Variants in TRPC6 observed in about 807,000 individuals in gnomAD.
The protein encoded by TRPC6 is short transient receptor potential channel 6.
TRPC6 carries 55 observed loss-of-function variants against 90.7 expected under a neutral mutation model. That is an observed-to-expected ratio of 0.61 (90% CI 0.49 to 0.76). The LOEUF (loss-of-function observed/expected upper bound fraction) is 0.76, where lower values mean the gene tolerates loss of function less well. Ranked by LOEUF, TRPC6 falls within the 30% of genes least tolerant of loss-of-function variation. The pLI, the probability that TRPC6 is intolerant of heterozygous loss-of-function variation, is 0.00. For missense variants in TRPC6, 989 were observed against 1,122.7 expected (o/e 0.88, Z 1.70); for synonymous variants, 393 against 393.0 (o/e 1.00, Z 0.00).
At chr11:101,582,658 A>G (rs1348389853) in intron 1 of TRPC6, among the ~76,000 whole-genome samples, 2 of 152,032 alleles carry the variant, frequency 1.3e-5, no homozygotes, top group Non-Finnish European at 1.5e-5. Flanking sequence ...ATAGCCCGTG[A>G]GTCTCCCAGC....
At chr11:101,510,691 T>C (rs1379254488) in intron 1 of TRPC6, among the ~76,000 whole-genome samples, 1 of 152,172 alleles carries the variant, frequency 6.6e-6, no homozygotes, top group Non-Finnish European at 1.5e-5. Context: ...ATACCTCATT[T>C]TCCTGGTCCT....
At chr11:101,456,865 T>C (rs537427097) in intron 10 of TRPC6, among the ~76,000 whole-genome samples, 3 of 152,168 alleles carry the variant, frequency 2.0e-5, no homozygotes, top group African/African-American at 7.2e-5. Context: ...ATATAACATA[T>C]TTTATTTTCA....
At chr11:101,572,620 A>G (rs1475998013) in intron 1 of TRPC6, among the ~76,000 whole-genome samples, 6 of 152,222 alleles carry the variant, frequency 3.9e-5, no homozygotes, top group Non-Finnish European at 8.8e-5. Flanking sequence ...AATGCCCATC[A>G]ATTATAGACT....
chr11:101,554,040 G>A (rs1332537315), intron 1 of TRPC6, among the ~76,000 whole-genome samples: 2 of 152,126 alleles, frequency 1.3e-5, no homozygotes, highest in African/African-American at 4.8e-5. Flanking sequence ...TACAGAAATA[G>A]ACACACTGGA....
intron 1 of TRPC6, among the ~76,000 whole-genome samples, chr11:101,555,671 G>A (rs980740920): frequency 1.3e-5 from 2 of 152,158 alleles, no homozygotes; most frequent in Non-Finnish European, 2.9e-5. Context: ...AACTTTTAAT[G>A]TAAAACAGAT....
At chr11:101,497,897 A>G (rs964681136) in intron 2 of TRPC6, among the ~76,000 whole-genome samples, 3 of 152,072 alleles carry the variant, frequency 2.0e-5, no homozygotes, top group Non-Finnish European at 4.4e-5. Context: ...ATGTTCCCAA[A>G]AGAGGGGATT....
At chr11:101,577,588 C>G (rs537336360) in intron 1 of TRPC6, among the ~76,000 whole-genome samples, 47 of 152,088 alleles carry the variant, frequency 3.1e-4, no homozygotes, top group Non-Finnish European at 5.9e-4. Flanking sequence ...GGCAGTCATT[C>G]TTCAGTCTGG....
At chr11:101,457,034 A>T (rs545105633) in intron 10 of TRPC6, among the ~76,000 whole-genome samples, 2 of 152,284 alleles carry the variant, frequency 1.3e-5, no homozygotes, top group African/African-American at 4.8e-5. Flanking sequence ...GTTTCCATGT[A>T]CAATTATTTA....
chr11:101,535,281 T>C (rs1861016187), intron 1 of TRPC6, among the ~76,000 whole-genome samples: 1 of 151,974 alleles, frequency 6.6e-6, no homozygotes, highest in Admixed American at 6.6e-5. Flanking sequence ...AAATGTATAA[T>C]AACATAAAAG....
In TRPC6 at chr11:101,462,221, T is replaced by A. The variant is rs535141785; in HGVS notation, c.2485-7120A>T. Among the ~76,000 whole-genome samples the A allele has an allele frequency of 5.9e-5, 9 of 152,314 alleles. No individual in the cohort carries two copies. The East Asian group carries it at 1.7e-3, about 29-fold the overall frequency. On this transcript the variant is annotated intron_variant, in intron 10 of 12. Coordinates refer to ENST00000344327, the MANE Select transcript of TRPC6 (RefSeq NM_004621.6). ...ATGCTGTTTGGTTACTGTAGCCTTG[T>A]AGTATAGTTTGAAGTCAGGAGCGTG...
At chr11:101,566,526 A>T (rs1014982227) in intron 1 of TRPC6, among the ~76,000 whole-genome samples, 1 of 152,238 alleles carries the variant, frequency 6.6e-6, no homozygotes, top group African/African-American at 2.4e-5. Context: ...AAAAATATTT[A>T]ACAAGCACCA....
intron 1 of TRPC6, among the ~76,000 whole-genome samples, chr11:101,516,020 T>G (rs1343283122): frequency 6.6e-6 from 1 of 151,802 alleles, no homozygotes. Context: ...AGGAAATGTT[T>G]GGAGATCACT....
chr11:101,537,957 T>C (rs986498670), intron 1 of TRPC6, among the ~76,000 whole-genome samples: 1 of 152,224 alleles, frequency 6.6e-6, no homozygotes, highest in East Asian at 1.9e-4. Flanking sequence ...TACATATTTT[T>C]AGCAGTTTTC....
At chr11:101,559,678 C>A (rs1861669360) in intron 1 of TRPC6, among the ~76,000 whole-genome samples, 1 of 151,266 alleles carries the variant, frequency 6.6e-6, no homozygotes, top group African/African-American at 2.4e-5. Flanking sequence ...TACATGTGCA[C>A]AACGTGCAGG....
At chr11:101,486,757 G>T (rs900193288) in intron 4 of TRPC6, among the ~76,000 whole-genome samples, 2 of 151,976 alleles carry the variant, frequency 1.3e-5, no homozygotes, top group Non-Finnish European at 2.9e-5. Flanking sequence ...GGATATATTG[G>T]AAAATCCAAA....
At chr11:101,506,801 A>T (rs1860278979) in intron 1 of TRPC6, among the ~76,000 whole-genome samples, 1 of 152,148 alleles carries the variant, frequency 6.6e-6, no homozygotes, top group South Asian at 2.1e-4. Flanking sequence ...TAGTAAAGTT[A>T]TACATGTGCA....
At chr11:101,453,782 C>T (rs1591518440) in intron 11 of TRPC6, 57 bp from the exon 12 acceptor site, 2 of 1,527,366 alleles carry the variant, frequency 1.3e-6, no homozygotes, top group East Asian at 4.5e-5. Flanking sequence ...ACAAATCTCT[C>T]ATTTGGAACA....
At chr11:101,480,095 T>A (rs1292955701) in intron 5 of TRPC6, among the ~76,000 whole-genome samples, 2 of 152,112 alleles carry the variant, frequency 1.3e-5, no homozygotes, top group African/African-American at 4.8e-5. Context: ...GGAAAATTGC[T>A]TGAACCCGGG....
At position 101,504,697 on chromosome 11, in the gene TRPC6, C is replaced by T. The variant is rs770014593; in HGVS notation, c.272G>A (p.Arg91His). Residue 91 changes from arginine to histidine, a missense_variant, in exon 2 of 13, where the codon CGC (arginine) becomes CAC (histidine). Arg to His is a conservative substitution (Grantham distance 29, BLOSUM62 0). Transcript: ENST00000344327. ...CTCCTCTATAGATAGGCTTGTGGAGCGATCACTAAACATGTATGCTGGTCC... is the reference window on the plus strand; with the variant it reads ...CTCCTCTATAGATAGGCTTGTGGAGTGATCACTAAACATGTATGCTGGTCC... ...NRGPAYMFSD[R>H]STSLSIEEER... The T allele has an allele frequency of 4.4e-6, 7 of 1,593,886 alleles. No individual in the cohort carries two copies. The South Asian group carries it at 5.7e-5, about 13-fold the overall frequency.
Sources: gnomAD v4.1 joint callset for allele counts (sites outside exome capture counted in the v4.1 genomes callset) on GRCh38, gnomAD v4.1.1 for gene constraint, MANE v1.5 for transcripts, NCBI Gene and HGNC (gene_info 2026-07-23, HGNC 2026-07-21) for gene names.